The following LIN7A variants were observed in gnomAD, a reference collection of about 807,000 sequenced individuals.
LIN7A encodes the protein lin-7 cell polarity scaffold A.
A neutral mutation model predicts 29.8 loss-of-function variants in LIN7A; 25 were observed. That is an observed-to-expected ratio of 0.84 (90% CI 0.61 to 1.17). The LOEUF is 1.17. Ranked by LOEUF, LIN7A falls within the 50% of genes most tolerant of loss-of-function variation. The pLI, the probability that LIN7A is intolerant of heterozygous loss-of-function variation, is 0.00. For missense variants in LIN7A, 239 were observed against 287.0 expected, an observed-to-expected ratio of 0.83 and a Z score of 1.21; for synonymous variants, 118 against 107.5, an observed-to-expected ratio of 1.10 and a Z score of -0.60.
intron 1 of LIN7A, among the ~76,000 whole-genome samples, chr12:80,891,968 G>A (rs1875649859): frequency 6.6e-6 from 1 of 152,128 alleles, no homozygotes; most frequent in African/African-American, 2.4e-5. Context: ...ACATCATGGT[G>A]GGTGTTTAAG....
At chr12:80,936,755 G>A (rs1179739214) in intron 1 of LIN7A, 4 of 152,488 alleles carry the variant, frequency 2.6e-5, no homozygotes, top group Admixed American at 6.5e-5. Flanking sequence ...GTCCTGGGGA[G>A]GAAGCGAACA....
chr12:80,816,328 T>C (rs1240841627), intron 4 of LIN7A, among the ~76,000 whole-genome samples: 1 of 151,954 alleles, frequency 6.6e-6, no homozygotes, highest in African/African-American at 2.4e-5. Context: ...AGAGAATGGC[T>C]TGAACCCAGG....
At chr12:80,934,734 C>T (rs546574718) in intron 1 of LIN7A, among the ~76,000 whole-genome samples, 1 of 152,244 alleles carries the variant, frequency 6.6e-6, no homozygotes, top group East Asian at 1.9e-4. Context: ...TATCTCTTAT[C>T]ATCACATTTT....
intron 2 of LIN7A, among the ~76,000 whole-genome samples, chr12:80,887,235 C>T (rs887968581): frequency 1.3e-5 from 2 of 152,130 alleles, no homozygotes; most frequent in African/African-American, 2.4e-5. Context: ...CACAGTGCTG[C>T]CACCTTTGTC....
At chr12:80,826,172 A>T (rs1872069815) in intron 4 of LIN7A, among the ~76,000 whole-genome samples, 1 of 152,214 alleles carries the variant, frequency 6.6e-6, no homozygotes. Flanking sequence ...GTGCATATAA[A>T]TGTCTTTTCC....
chr12:80,874,026 C>T (rs17007559), intron 2 of LIN7A, among the ~76,000 whole-genome samples: 5,412 of 151,980 alleles, frequency 0.036, 257 homozygotes, highest in Admixed American at 0.15. Context: ...CAGTAGGATA[C>T]GTCTGAGATG....
chr12:80,833,043 G>A (rs1872447119), intron 4 of LIN7A, among the ~76,000 whole-genome samples: 1 of 152,148 alleles, frequency 6.6e-6, no homozygotes, highest in Non-Finnish European at 1.5e-5. Flanking sequence ...GTTGACAAAT[G>A]TAATTGAGTG....
intron 1 of LIN7A, among the ~76,000 whole-genome samples, chr12:80,891,425 A>G (rs1405644961): frequency 6.6e-6 from 1 of 152,160 alleles, no homozygotes; most frequent in Non-Finnish European, 1.5e-5. Flanking sequence ...TCCATCCTAT[A>G]GTGGGGCCAT....
chr12:80,804,479 C>T (rs559843772), intron 5 of LIN7A, among the ~76,000 whole-genome samples: 1 of 151,868 alleles, frequency 6.6e-6, no homozygotes, highest in Admixed American at 6.6e-5. Flanking sequence ...TGATGTTTGT[C>T]TTTCTGTGCT....
At chr12:80,904,354 T>C (rs1040183556) in intron 1 of LIN7A, among the ~76,000 whole-genome samples, 1 of 152,180 alleles carries the variant, frequency 6.6e-6, no homozygotes. Context: ...AAGAACACTA[T>C]ACAATGTTAC....
chr12:80,842,923 A>G (rs756939843), intron 4 of LIN7A, among the ~76,000 whole-genome samples: 1 of 152,076 alleles, frequency 6.6e-6, no homozygotes, highest in Non-Finnish European at 1.5e-5. Flanking sequence ...TTTAACCTTC[A>G]ACTTTAGGAG....
chr12:80,812,788 C>T (rs951095642), intron 4 of LIN7A, among the ~76,000 whole-genome samples: 4 of 151,980 alleles, frequency 2.6e-5, no homozygotes, highest in Non-Finnish European at 4.4e-5. Context: ...TGACCTCAAG[C>T]GATCCACCTC....
chr12:80,848,399 T>C (rs1219581253), intron 2 of LIN7A, 77 bp from the exon 3 acceptor site: 21 of 1,122,940 alleles, frequency 1.9e-5, no homozygotes, highest in Non-Finnish European at 2.8e-5. Flanking sequence ...AAGAAAATTA[T>C]ATTTTCACTG....
intron 2 of LIN7A, among the ~76,000 whole-genome samples, chr12:80,876,426 A>G (rs1386716895): frequency 1.3e-5 from 2 of 152,228 alleles, no homozygotes; most frequent in Non-Finnish European, 2.9e-5. Context: ...AACAAGAGCA[A>G]TGTGAGCATT....
intron 4 of LIN7A, among the ~76,000 whole-genome samples, chr12:80,833,453 TC>T (rs1872468122): frequency 6.6e-6 from 1 of 152,210 alleles, no homozygotes; most frequent in African/African-American, 2.4e-5. Flanking sequence ...CTCCAGAACT[TC>T]TAAGAGTGTC....
chr12:80,872,708 T>C (rs1166210919), intron 2 of LIN7A, among the ~76,000 whole-genome samples: 1 of 152,216 alleles, frequency 6.6e-6, no homozygotes, highest in Admixed American at 6.5e-5. Flanking sequence ...AAAATCTAAT[T>C]TACTCAGTTA....
chr12:80,822,341 T>A (rs1270291258), intron 4 of LIN7A, among the ~76,000 whole-genome samples: 1 of 152,154 alleles, frequency 6.6e-6, no homozygotes, highest in Non-Finnish European at 1.5e-5. Context: ...GTGGATCACC[T>A]GAGGTCAGGA....
chr12:80,894,001 G>A (rs1316512462), intron 1 of LIN7A, among the ~76,000 whole-genome samples: 2 of 152,160 alleles, frequency 1.3e-5, no homozygotes, highest in Admixed American at 6.5e-5. Context: ...AGTGATAAAT[G>A]GATATGAGGC....
chr12:80,871,301 C>A (rs930245182), intron 2 of LIN7A, among the ~76,000 whole-genome samples: 1 of 152,060 alleles, frequency 6.6e-6, no homozygotes, highest in Non-Finnish European at 1.5e-5. Context: ...AGTTAACACA[C>A]AACATATACT....
Sources: gnomAD v4.1 joint callset for allele counts (sites outside exome capture counted in the v4.1 genomes callset) on GRCh38, gnomAD v4.1.1 for gene constraint, MANE v1.5 for transcripts, NCBI Gene and HGNC (gene_info 2026-07-23, HGNC 2026-07-21) for gene names.